Variants in VWA5B1 observed in about 807,000 individuals in gnomAD.
VWA5B1 encodes the protein von Willebrand factor A domain containing 5B1.
Under a neutral mutation model 118.2 loss-of-function variants are expected in VWA5B1, and 115 were observed. The ratio of observed to expected loss-of-function variants is 0.97; its 90% CI spans 0.84 to 1.14. The LOEUF (loss-of-function observed/expected upper bound fraction) is 1.14, where lower values mean the gene tolerates loss of function less well. Ranked by LOEUF, VWA5B1 falls within the 50% of genes most tolerant of loss-of-function variation. VWA5B1 has a pLI of 0.00. For synonymous variants in VWA5B1, 682 were observed against 658.4 expected (o/e 1.04, Z -0.55); for missense variants, 1,596 against 1,603.8 (o/e 1.00, Z 0.08).
chr1:20,328,882 A>G (rs1178474226), intron 9 of VWA5B1, among the ~76,000 whole-genome samples: 2 of 152,258 alleles, frequency 1.3e-5, no homozygotes, highest in South Asian at 2.1e-4. Context: ...AGACACTGCT[A>G]AGAGCTTAGT....
chr1:20,307,371 T>A (rs1372611959), intron 1 of VWA5B1, among the ~76,000 whole-genome samples: 1 of 152,166 alleles, frequency 6.6e-6, no homozygotes, highest in African/African-American at 2.4e-5. Context: ...CCATCTCTCA[T>A]GGGGATGGCC....
At chr1:20,331,094 T>C in intron 11 of VWA5B1, 111 bp downstream of exon 11, 2 of 868,476 alleles carry the variant, frequency 2.3e-6, no homozygotes, top group Non-Finnish European at 3.5e-6. Context: ...ATCTGAGCTC[T>C]TCACTAGGCC....
chr1:20,309,797 G>A (rs554432755), intron 1 of VWA5B1, among the ~76,000 whole-genome samples: 4 of 152,274 alleles, frequency 2.6e-5, no homozygotes, highest in African/African-American at 9.6e-5. Flanking sequence ...CTGCAGTCCA[G>A]GCAGAGGTGG....
At chr1:20,350,964 A>G in intron 20 of VWA5B1, 38 bp downstream of exon 20, 2 of 1,545,698 alleles carry the variant, frequency 1.3e-6, no homozygotes, top group Non-Finnish European at 1.8e-6. Flanking sequence ...CTCTCCTGCC[A>G]CCCATTTTCC....
chr1:20,317,812 C>G (rs529750644), intron 5 of VWA5B1, 137 bp downstream of exon 5: 2 of 1,165,156 alleles, frequency 1.7e-6, no homozygotes, highest in Non-Finnish European at 2.3e-6. Flanking sequence ...GCCTGTGGAC[C>G]CCCATTTCCC....
intron 4 of VWA5B1, among the ~76,000 whole-genome samples, chr1:20,317,306 C>T (rs1168046323): frequency 2.0e-5 from 3 of 152,146 alleles, no homozygotes; most frequent in Admixed American, 6.5e-5. Context: ...TCGGGAGCAC[C>T]GTGCCTGGTG....
chr1:20,331,461 G>A (rs1294391648), intron 11 of VWA5B1, among the ~76,000 whole-genome samples: 1 of 152,226 alleles, frequency 6.6e-6, no homozygotes, highest in East Asian at 1.9e-4. Context: ...GGGATTAAGA[G>A]TGAAGATGTT....
intron 1 of VWA5B1, among the ~76,000 whole-genome samples, chr1:20,294,916 T>C (rs1181029754): frequency 2.0e-5 from 3 of 152,200 alleles, no homozygotes; most frequent in Non-Finnish European, 2.9e-5. Flanking sequence ...AATCTCTACT[T>C]TACAGGTGAT....
intron 11 of VWA5B1, among the ~76,000 whole-genome samples, chr1:20,331,412 G>GA (rs1478113550): frequency 6.6e-6 from 1 of 152,198 alleles, no homozygotes; most frequent in East Asian, 1.9e-4. Flanking sequence ...CTAACCCTTA[G>GA]AAAATCCCCT....
intron 13 of VWA5B1, 107 bp from the exon 14 acceptor site, chr1:20,337,539 G>T: frequency 7.8e-7 from 1 of 1,278,614 alleles, no homozygotes; most frequent in Non-Finnish European, 1.1e-6. Flanking sequence ...ATTTCAGTAG[G>T]CAAGAGGTGG....
intron 7 of VWA5B1, among the ~76,000 whole-genome samples, chr1:20,320,716 C>T (rs1427404310): frequency 6.6e-6 from 1 of 152,218 alleles, no homozygotes; most frequent in African/African-American, 2.4e-5. Flanking sequence ...CCCACAGCTG[C>T]TAAGAAATGA....
intron 6 of VWA5B1, 24 bp downstream of exon 6, chr1:20,318,745 C>T: frequency 2.1e-6 from 3 of 1,456,390 alleles, no homozygotes; most frequent in Non-Finnish European, 2.7e-6. Context: ...CAACGGGCCC[C>T]TGGGCTGCCT....
chr1:20,303,725 T>G (rs1218807825), intron 1 of VWA5B1, among the ~76,000 whole-genome samples: 2 of 152,186 alleles, frequency 1.3e-5, no homozygotes, highest in African/African-American at 4.8e-5. Context: ...CCCAATCTCT[T>G]TCTGAAAAGC....
intron 16 of VWA5B1, among the ~76,000 whole-genome samples, chr1:20,344,553 A>T (rs549374633): frequency 9.2e-5 from 14 of 152,320 alleles, no homozygotes; most frequent in Admixed American, 5.2e-4. Flanking sequence ...AGTGCTATTA[A>T]GAAAAAAGAC....
In VWA5B1 at chr1:20,301,315, A is replaced by G. The variant is rs181197033; in HGVS notation, c.-26-9261A>G. ...AGCCAACATTTACTGGGGACCAGAA[A>G]CTGGGACAAGCATTTTATAGGACAG... On this transcript the variant is annotated intron_variant, in intron 1 of 21. Coordinates refer to ENST00000289815, the MANE Select transcript of VWA5B1 (RefSeq NM_001039500.3). Among the ~76,000 whole-genome samples the G allele has an allele frequency of 1.6e-3, 248 of 152,362 alleles. 1 individual carries two copies. Among genetic ancestry groups the G allele is most frequent in the African/African-American group, 5.7e-3 (235 of 41,584 alleles).
chr1:20,335,699 T>C (rs1355641376), intron 12 of VWA5B1, among the ~76,000 whole-genome samples: 1 of 152,188 alleles, frequency 6.6e-6, no homozygotes, highest in Non-Finnish European at 1.5e-5. Flanking sequence ...GAGAAAATCA[T>C]AAAGAAGAGA....
At chr1:20,306,829 A>T (rs1226464121) in intron 1 of VWA5B1, among the ~76,000 whole-genome samples, 2 of 152,224 alleles carry the variant, frequency 1.3e-5, no homozygotes, top group Non-Finnish European at 2.9e-5. Context: ...ACATTTCATC[A>T]GGAAAACACA....
intron 1 of VWA5B1, among the ~76,000 whole-genome samples, chr1:20,303,827 G>A (rs2088567494): frequency 6.6e-6 from 1 of 152,234 alleles, no homozygotes; most frequent in African/African-American, 2.4e-5. Flanking sequence ...CCCTTGTGAT[G>A]GCTGAAGCCA....
At position 20,343,257 on chromosome 1, in the gene VWA5B1, G is replaced by C. The variant is rs760283865; in HGVS notation, c.2490G>C (p.Glu830Asp). 59 of 1,548,684 alleles carry C rather than the reference G, an allele frequency of 3.8e-5. 1 individual carries two copies. The South Asian group carries it at 6.9e-4, about 18-fold the overall frequency. ...GCCTGCAGTGGGAGGTGAGCTTCGA[G>C]CTGGGGACCCCTGGACCGGAGCGGG... ...SQRLQWEVSF[E>D]LGTPGPERGG... The change falls in exon 16 of 22, where the codon GAG becomes GAC. Residue 830 changes from glutamate to aspartate, a missense_variant. Physicochemically the swap from Glu to Asp is conservative, Grantham distance 45 (BLOSUM62 2). Coordinates refer to ENST00000289815, the MANE Select transcript of VWA5B1 (RefSeq NM_001039500.3).
Sources: gnomAD v4.1 joint callset for allele counts (sites outside exome capture counted in the v4.1 genomes callset) on GRCh38, gnomAD v4.1.1 for gene constraint, MANE v1.5 for transcripts, NCBI Gene and HGNC (gene_info 2026-07-23, HGNC 2026-07-21) for gene names.